NEK6: variants seen among roughly 807,000 people sequenced by gnomAD.
NEK6 encodes serine/threonine-protein kinase Nek6.
Under a neutral mutation model 43.5 loss-of-function variants are expected in NEK6, and 27 were observed. That is an observed-to-expected ratio of 0.62 (90% CI 0.46 to 0.86). The LOEUF (loss-of-function observed/expected upper bound fraction) is 0.86, where lower values mean the gene tolerates loss of function less well. Among genes scored for constraint, NEK6 ranks in the 40% least tolerant of loss-of-function variants. The pLI, the probability that NEK6 is intolerant of heterozygous loss-of-function variation, is 0.00. For missense variants in NEK6, 318 were observed against 414.4 expected, an observed-to-expected ratio of 0.77 and a Z score of 2.02; for synonymous variants, 167 against 164.1, an observed-to-expected ratio of 1.02 and a Z score of -0.14.
Position 124,273,970 on chromosome 9 carries a change from T to C in NEK6, c.-30+15885T>C, listed in dbSNP as rs556326173. On this transcript the variant is annotated intron_variant, in intron 1 of 9. Coordinates refer to ENST00000320246, the MANE Select transcript of NEK6 (RefSeq NM_014397.6). ...GGCCCCCCCATTCCGTCTTGCCTCATACACTTTGGGCACAGGGTACCATTC... is the reference window on the plus strand; with the variant it reads ...GGCCCCCCCATTCCGTCTTGCCTCACACACTTTGGGCACAGGGTACCATTC... Among the ~76,000 whole-genome samples the C allele has an allele frequency of 2.0e-5, 3 of 152,308 alleles. No individual in the cohort carries two copies. In the East Asian group the frequency reaches 5.8e-4, roughly 29 times the overall value.
chr9:124,347,878 G>A (rs1217037732), intron 9 of NEK6, 56 bp downstream of exon 9: 10 of 1,054,348 alleles, frequency 9.5e-6, no homozygotes, highest in Non-Finnish European at 1.5e-5. Flanking sequence ...CGAGGCTTAT[G>A]AGGGCCGCTC....
chr9:124,302,391 C>T (rs1360408428), intron 2 of NEK6, among the ~76,000 whole-genome samples: 1 of 152,140 alleles, frequency 6.6e-6, no homozygotes, highest in Non-Finnish European at 1.5e-5. Context: ...CTGAGAACAG[C>T]GAGGGACTCA....
chr9:124,281,685 G>A (rs777383286), intron 1 of NEK6, among the ~76,000 whole-genome samples: 119 of 151,804 alleles, frequency 7.8e-4, no homozygotes, highest in Admixed American at 1.7e-3. Context: ...TTTTAGTAGA[G>A]ACAGGGTTTT....
chr9:124,328,499 G>C (rs1404610036), intron 7 of NEK6, among the ~76,000 whole-genome samples: 1 of 152,136 alleles, frequency 6.6e-6, no homozygotes, highest in East Asian at 1.9e-4. Context: ...TTCCCCAGGA[G>C]GGGGCTGGGC....
intron 1 of NEK6, chr9:124,261,505 C>G (rs1322324418): frequency 2.0e-6 from 2 of 985,322 alleles, no homozygotes; most frequent in African/African-American, 3.5e-5. Flanking sequence ...CAGGAAGAGT[C>G]CGGTGTTCTG....
chr9:124,305,433 AATCTC>A (rs1181248722), intron 2 of NEK6, among the ~76,000 whole-genome samples: 1 of 152,046 alleles, frequency 6.6e-6, no homozygotes, highest in East Asian at 1.9e-4. Flanking sequence ...GTTCACCTGT[AATCTC>A]AGCTACTTGG....
At chr9:124,339,475 C>T (rs575491771) in intron 7 of NEK6, 96 bp from the exon 8 acceptor site, 9 of 828,390 alleles carry the variant, frequency 1.1e-5, no homozygotes, top group South Asian at 9.9e-5. Flanking sequence ...CACAATCTCT[C>T]CCCAGCTCCC....
intron 8 of NEK6, among the ~76,000 whole-genome samples, chr9:124,341,613 T>C (rs1829635602): frequency 6.6e-6 from 1 of 151,956 alleles, no homozygotes; most frequent in African/African-American, 2.4e-5. Flanking sequence ...GGCGAGTGTG[T>C]AGTGGATGGG....
intron 1 of NEK6, among the ~76,000 whole-genome samples, chr9:124,290,166 G>A (rs1017090426): frequency 6.6e-6 from 1 of 152,252 alleles, no homozygotes; most frequent in Non-Finnish European, 1.5e-5. Context: ...GCACAGCCAC[G>A]TGGAGATGAT....
At chr9:124,327,789 C>G (rs116612180) in intron 7 of NEK6, among the ~76,000 whole-genome samples, 1 of 152,166 alleles carries the variant, frequency 6.6e-6, no homozygotes, top group Non-Finnish European at 1.5e-5. Flanking sequence ...TTGGTCCATC[C>G]CTCCTAGGGG....
rs1279018850 is a variant in NEK6, at chr9:124,278,701, G to A, written c.-30+20616G>A. ...GGGGAGACGCATGCGTCAGATACCGGCTGGATGACTTCATGTATGTTGGTT... is the reference window on the plus strand; with the variant it reads ...GGGGAGACGCATGCGTCAGATACCGACTGGATGACTTCATGTATGTTGGTT... On this transcript the variant is annotated intron_variant, in intron 1 of 9. Transcript: ENST00000320246. Among the ~76,000 whole-genome samples, 4 of 152,220 alleles carry A rather than the reference G, an allele frequency of 2.6e-5. No individual in the cohort carries two copies. In the East Asian group the frequency reaches 7.7e-4, roughly 29 times the overall value.
chr9:124,276,186 A>T (rs1831643651), intron 1 of NEK6, among the ~76,000 whole-genome samples: 1 of 152,108 alleles, frequency 6.6e-6, no homozygotes, highest in Admixed American at 6.5e-5. Context: ...CTGAGCTCCT[A>T]CCTGGAGACC....
chr9:124,281,480 G>GTTTTTTTT (rs1554845431), intron 1 of NEK6, among the ~76,000 whole-genome samples: 2 of 114,858 alleles, frequency 1.7e-5, no homozygotes, highest in Admixed American at 9.5e-5. Context: ...CATGTCAGCT[G>GTTTTTTTT]TTTTTTCTTT....
Position 124,324,060 on chromosome 9 carries a change from C to T in NEK6, c.406-2270C>T, listed in dbSNP as rs529633013. Among the ~76,000 whole-genome samples, 4 of 152,320 alleles carry T rather than the reference C, an allele frequency of 2.6e-5. No homozygotes were observed. The highest frequency in any genetic ancestry group is 7.2e-5 in the African/African-American group (3 of 41,578). On this transcript the variant is annotated intron_variant, in intron 5 of 9. Transcript: ENST00000320246. This position sits in a 1 kb window ranked among gnomAD's most constrained non-coding sequence, Gnocchi z 5.3. Reference sequence around the variant, plus strand: ...TCCCCCCACTGTCCCTGCCTGCTCCCGTTCCCTCCAACCCGGCTCAGGGGC... The same window carrying T: ...TCCCCCCACTGTCCCTGCCTGCTCCTGTTCCCTCCAACCCGGCTCAGGGGC...
chr9:124,305,223 G>C (rs1413155200), intron 2 of NEK6, among the ~76,000 whole-genome samples: 2 of 152,194 alleles, frequency 1.3e-5, no homozygotes, highest in Admixed American at 6.5e-5. Flanking sequence ...GATGCTAGTT[G>C]GTTAAGGTTT....
chr9:124,328,669 T>C (rs1424574282), intron 7 of NEK6, among the ~76,000 whole-genome samples: 1 of 152,236 alleles, frequency 6.6e-6, no homozygotes, highest in African/African-American at 2.4e-5. Flanking sequence ...GGAGGCACTT[T>C]CTGGAAGTCA....
intron 2 of NEK6, among the ~76,000 whole-genome samples, chr9:124,310,542 C>T (rs1431563016): frequency 6.6e-6 from 1 of 152,226 alleles, no homozygotes; most frequent in Admixed American, 6.5e-5. Context: ...GCCTGGACTC[C>T]CATCACTCAC....
intron 7 of NEK6, among the ~76,000 whole-genome samples, chr9:124,328,870 C>A (rs1252995859): frequency 6.6e-6 from 1 of 152,198 alleles, no homozygotes; most frequent in East Asian, 1.9e-4. Context: ...AGGAGCTCTT[C>A]CTTTAGCTCC....
At chr9:124,303,056 G>A (rs775826858) in intron 2 of NEK6, among the ~76,000 whole-genome samples, 12 of 152,210 alleles carry the variant, frequency 7.9e-5, no homozygotes, top group Non-Finnish European at 1.8e-4. Context: ...AGAACCTTGC[G>A]GGCCTAGGGA....
Sources: allele counts gnomAD v4.1 joint callset (sites outside exome capture counted in the v4.1 genomes callset), GRCh38; gene constraint gnomAD v4.1.1; non-coding constraint Gnocchi (gnomAD v3.1); transcripts MANE v1.5; gene names NCBI Gene and HGNC (gene_info 2026-07-23, HGNC 2026-07-21).